The following CCDC171 variants were observed in gnomAD, a reference collection of about 807,000 sequenced individuals.
CCDC171 encodes the protein coiled-coil domain containing 171, also known as coiled-coil domain-containing protein 171.
A neutral mutation model predicts 168.2 loss-of-function variants in CCDC171; 177 were observed. The observed-to-expected ratio is 1.05, with a 90% confidence interval of 0.93 to 1.19. The LOEUF (loss-of-function observed/expected upper bound fraction) is 1.19, where lower values mean the gene tolerates loss of function less well. CCDC171 is among the 50% of genes most tolerant of loss of function. The pLI is 0.00. For synonymous variants in CCDC171, 687 were observed against 540.8 expected (o/e 1.27, Z -3.75); for missense variants, 1,991 against 1,539.0 (o/e 1.29, Z -4.91).
chr9:15,637,808 T>C (rs1171730416), intron 7 of CCDC171, among the ~76,000 whole-genome samples: 1 of 152,134 alleles, frequency 6.6e-6, no homozygotes, highest in Non-Finnish European at 1.5e-5. Context: ...CTCATCATTT[T>C]TTATGGCTGC....
At position 15,623,475 on chromosome 9, in the gene CCDC171, G is replaced by GCGCGCGCGCTCACACACACACA; in HGVS notation, c.822+63_822+64insGCGCGCGCTCACACACACACAC. The GCGCGCGCGCTCACACACACACA allele has an allele frequency of 1.3e-4, 42 of 315,478 alleles. 3 individuals carry two copies. The South Asian group carries it at 1.9e-3, about 14-fold the overall frequency. 19.5% of individuals were successfully genotyped at this position (315,478 alleles called of 1,614,324 possible). ...CAAACTTTCACATATGCGCGCGCGC[G>GCGCGCGCGCTCACACACACACA]CACACACACACACACACACACACAC... On this transcript the variant is annotated intron_variant, in intron 7 of 25. Transcript: ENST00000380701.
At chr9:15,604,059 A>G (rs2043052489) in intron 6 of CCDC171, among the ~76,000 whole-genome samples, 1 of 146,864 alleles carries the variant, frequency 6.8e-6, no homozygotes, top group Non-Finnish European at 1.5e-5. Flanking sequence ...TTTTTTTGAG[A>G]AGTGTCTGTT....
At chr9:15,747,237 A>C (rs2055360780) in intron 18 of CCDC171, among the ~76,000 whole-genome samples, 1 of 152,228 alleles carries the variant, frequency 6.6e-6, no homozygotes, top group African/African-American at 2.4e-5. Context: ...ATCAAAAGGC[A>C]GCAGCCTCAT....
chr9:15,830,284 A>G (rs1433297332), intron 21 of CCDC171, among the ~76,000 whole-genome samples: 1 of 152,138 alleles, frequency 6.6e-6, no homozygotes, highest in African/African-American at 2.4e-5. Flanking sequence ...GATCTAGATG[A>G]CCTATTGAGA....
At chr9:15,599,353 A>G (rs4741514) in intron 6 of CCDC171, among the ~76,000 whole-genome samples, 81,282 of 151,234 alleles carry the variant, frequency 0.54, 22,054 homozygotes, top group East Asian at 0.75. Context: ...GGTGGTGACC[A>G]AATCTCTCAG....
chr9:15,681,996 C>G (rs188272044), intron 10 of CCDC171, among the ~76,000 whole-genome samples: 1 of 151,990 alleles, frequency 6.6e-6, no homozygotes, highest in East Asian at 1.9e-4. Flanking sequence ...AAATTACTAA[C>G]AGGTAATTTT....
At chr9:15,960,607 A>G (rs969979612) in intron 25 of CCDC171, among the ~76,000 whole-genome samples, 5 of 152,202 alleles carry the variant, frequency 3.3e-5, no homozygotes, top group African/African-American at 7.2e-5. Flanking sequence ...ACTGCTGGAA[A>G]TGATGTGGTT....
chr9:15,734,842 C>A (rs771768847), intron 16 of CCDC171, among the ~76,000 whole-genome samples: 1 of 151,802 alleles, frequency 6.6e-6, no homozygotes, highest in Admixed American at 6.6e-5. Flanking sequence ...GGAAAAAATC[C>A]GCAGTTGTTA....
At chr9:15,940,424 C>G (rs1030893246) in intron 25 of CCDC171, among the ~76,000 whole-genome samples, 1 of 151,802 alleles carries the variant, frequency 6.6e-6, no homozygotes, top group Non-Finnish European at 1.5e-5. Context: ...CTTGACTTCT[C>G]AACTTCCCAC....
At position 15,763,402 on chromosome 9, in the gene CCDC171, T is replaced by C. The variant is rs139951044; in HGVS notation, c.2672-14198T>C. The stretch of plus-strand genomic sequence containing the variant: ...CCTCTTCTTGAACATTGGGGTGATA[T>C]CATATGATTCAAAGCCCCAACTTGC... On this transcript the variant is annotated intron_variant, in intron 18 of 25. Transcript: ENST00000380701. Among the ~76,000 whole-genome samples, 271 of 152,308 alleles carry C rather than the reference T, an allele frequency of 1.8e-3. 2 individuals carry two copies. The highest frequency in any genetic ancestry group is 6.1e-3 in the African/African-American group (254 of 41,574).
chr9:15,943,066 C>A (rs1211634638), intron 25 of CCDC171, among the ~76,000 whole-genome samples: 3 of 151,938 alleles, frequency 2.0e-5, no homozygotes, highest in Non-Finnish European at 4.4e-5. Context: ...TTTGATGTTA[C>A]TTTTCCCTTT....
chr9:16,027,115 G>A (rs1833289932), intron 6 of CCDC171, among the ~76,000 whole-genome samples: 1 of 152,192 alleles, frequency 6.6e-6, no homozygotes, highest in Non-Finnish European at 1.5e-5. Context: ...ATGTCCCGGA[G>A]TTGATTTTCC....
At chr9:15,951,755 G>A (rs1371029910) in intron 25 of CCDC171, among the ~76,000 whole-genome samples, 1 of 151,996 alleles carries the variant, frequency 6.6e-6, no homozygotes, top group Non-Finnish European at 1.5e-5. Flanking sequence ...TATATATTCT[G>A]GATATAAATC....
At chr9:16,092,992 C>T in the CCDC171 span, among the ~76,000 whole-genome samples, 1 of 152,126 alleles carries the variant, frequency 6.6e-6, no homozygotes, top group Non-Finnish European at 1.5e-5. Context: ...TTCATGGGCC[C>T]CTCTGGGGGA....
intron 3 of CCDC171, among the ~76,000 whole-genome samples, chr9:15,577,899 C>T (rs551542490): frequency 1.3e-5 from 2 of 152,200 alleles, no homozygotes; most frequent in Non-Finnish European, 2.9e-5. Flanking sequence ...TTCACTTCTC[C>T]TGCTGTCAAT....
intron 3 of CCDC171, among the ~76,000 whole-genome samples, chr9:15,572,485 A>G (rs900459272): frequency 6.6e-6 from 1 of 152,162 alleles, no homozygotes; most frequent in African/African-American, 2.4e-5. Flanking sequence ...TTGGTTTCTC[A>G]TTGTGAACTG....
intron 3 of CCDC171, among the ~76,000 whole-genome samples, chr9:15,571,971 A>G (rs934879493): frequency 6.6e-6 from 1 of 152,192 alleles, no homozygotes; most frequent in African/African-American, 2.4e-5. Flanking sequence ...TTTGTATGTT[A>G]TCTTAGATTT....
chr9:15,799,757 T>G (rs2058730878), intron 21 of CCDC171, among the ~76,000 whole-genome samples: 1 of 152,014 alleles, frequency 6.6e-6, no homozygotes, highest in Admixed American at 6.6e-5. Context: ...CATCCCGACC[T>G]TCCCACACAT....
At chr9:15,660,782 A>C (rs1230051176) in intron 8 of CCDC171, among the ~76,000 whole-genome samples, 1 of 152,234 alleles carries the variant, frequency 6.6e-6, no homozygotes, top group Non-Finnish European at 1.5e-5. Flanking sequence ...TGCTGTGATG[A>C]ACATAAAAGT....
Sources: allele counts gnomAD v4.1 joint callset (sites outside exome capture counted in the v4.1 genomes callset), GRCh38; gene constraint gnomAD v4.1.1; transcripts MANE v1.5; gene names NCBI Gene and HGNC (gene_info 2026-07-23, HGNC 2026-07-21).